Variants in CACNA1B observed in about 807,000 individuals in gnomAD.
CACNA1B encodes calcium voltage-gated channel subunit alpha1 B, also known as voltage-dependent N-type calcium channel subunit alpha-1B.
In CACNA1B, 70 loss-of-function variants were observed where a neutral mutation model predicts 247.2. The ratio of observed to expected loss-of-function variants is 0.28; its 90% confidence interval spans 0.23 to 0.35. The LOEUF is 0.35. CACNA1B is among the 10% of genes least tolerant of loss of function. CACNA1B has a pLI of 1.00. For synonymous variants in CACNA1B, 1,231 were observed against 1,294.4 expected, an observed-to-expected ratio of 0.95 and a Z score of 1.05; for missense variants, 2,367 against 3,197.4, an observed-to-expected ratio of 0.74 and a Z score of 6.26.
At chr9:138,110,977 T>TA (rs1237808825) in intron 39 of CACNA1B, among the ~76,000 whole-genome samples, 1 of 143,228 alleles carries the variant, frequency 7.0e-6, no homozygotes. Context: ...AATCCAGAAT[T>TA]TAAAAAAAAA....
chr9:138,039,177 T>C (rs570971916), intron 20 of CACNA1B, among the ~76,000 whole-genome samples: 1 of 150,700 alleles, frequency 6.6e-6, no homozygotes, highest in Admixed American at 6.6e-5. Context: ...GCCTGGGCGA[T>C]AGGGCAAGAC....
In CACNA1B at chr9:138,120,418, G is replaced by A. The variant is rs201945301; in HGVS notation, c.6238+46G>A. The A allele has an allele frequency of 1.5e-4, 226 of 1,503,716 alleles. 1 individual carries two copies. Among genetic ancestry groups the A allele is most frequent in the Admixed American group, 2.8e-4 (14 of 49,806 alleles). 93.1% of individuals were successfully genotyped at this position (1,503,716 alleles called of 1,614,324 possible). On this transcript the variant is annotated intron_variant, in intron 45 of 46. Transcript: ENST00000371372. ...GGAGTCCTTCGGGGAGCTATGGCCCGAGTCAGGGGGTCCAAGCGGCCCATG... is the reference window on the plus strand; with the variant it reads ...GGAGTCCTTCGGGGAGCTATGGCCCAAGTCAGGGGGTCCAAGCGGCCCATG...
Position 138,124,330 on chromosome 9 carries a change from G to A in CACNA1B, c.*2331G>A, listed in dbSNP as rs143387173. ...TATGTGCATGATAATGTATATCTTC[G>A]TACTTTTTGATACAATGTATTCATT... On this transcript the variant is annotated 3_prime_UTR_variant, in exon 47 of 47. Transcript: ENST00000371372. 1.1e-4 allele frequency: 16 copies of A among 151,226 alleles called. No homozygotes were observed. Among genetic ancestry groups the A allele is most frequent in the Non-Finnish European group, 1.9e-4 (13 of 67,900 alleles). 9.4% of individuals were successfully genotyped at this position (151,226 alleles called of 1,614,324 possible). A position where few individuals can be genotyped will look rare whatever the true frequency, so the allele number is the denominator to read the frequency against.
intron 12 of CACNA1B, among the ~76,000 whole-genome samples, chr9:137,983,074 A>C (rs1361240580): frequency 6.6e-6 from 1 of 152,204 alleles, no homozygotes; most frequent in Non-Finnish European, 1.5e-5. Flanking sequence ...TCGTTCTCTC[A>C]GTGACTTCGT....
chr9:137,996,352 G>A (rs1219130539), intron 15 of CACNA1B, among the ~76,000 whole-genome samples: 1 of 152,176 alleles, frequency 6.6e-6, no homozygotes, highest in Non-Finnish European at 1.5e-5. Flanking sequence ...TGAAATAATG[G>A]CATTTGCAAC....
intron 40 of CACNA1B, among the ~76,000 whole-genome samples, chr9:138,113,776 AGGAAGGTG>A (rs1961750368): frequency 7.9e-6 from 1 of 126,126 alleles, no homozygotes; most frequent in East Asian, 2.7e-4. Context: ...GAGGGAGCGC[AGGAAGGTG>A]CCCAACTCCA....
At position 137,954,855 on chromosome 9, in the gene CACNA1B, C is replaced by CG. The variant is rs1164388854; in HGVS notation, c.1071-843_1071-842insG. ...CACACCCACTCCACCAACTCAGAAGCTTGTGTGTGTGTGTGTGTGTGTGTG... is the reference window on the plus strand; with the variant it reads ...CACACCCACTCCACCAACTCAGAAGCGTTGTGTGTGTGTGTGTGTGTGTGTG... On this transcript the variant is annotated intron_variant, in intron 7 of 46. Transcript: ENST00000371372. This position sits in a 1 kb window ranked among gnomAD's most constrained non-coding sequence, Gnocchi z 4.1. 0.015 allele frequency among the ~76,000 whole-genome samples: 1,254 copies of CG among 84,650 alleles called. 6 individuals carry two copies. Among genetic ancestry groups the CG allele is most frequent in the African/African-American group, 0.026 (206 of 7,864 alleles). 55.5% of individuals were successfully genotyped at this position (84,650 alleles called of 152,430 possible). A position where few individuals can be genotyped will look rare whatever the true frequency, so the allele number is the denominator to read the frequency against.
intron 6 of CACNA1B, among the ~76,000 whole-genome samples, chr9:137,925,320 T>G (rs1957537085): frequency 6.6e-6 from 1 of 152,154 alleles, no homozygotes; most frequent in Non-Finnish European, 1.5e-5. Context: ...TGGGTCCCTT[T>G]AAATTTGTGG....
rs930683729 is a variant in CACNA1B at position 137,955,519 on chromosome 9, A to C, written c.1071-179A>C. 1.5e-4 allele frequency among the ~76,000 whole-genome samples: 23 copies of C among 152,236 alleles called. No homozygotes were observed. The highest frequency in any genetic ancestry group is 5.3e-4 in the African/African-American group (22 of 41,562). ...CCCAGGGAGCTGTCTGGTGCTCTGG[A>C]GTGCTCATCTGGAGTGCTCAGGTTA... On this transcript the variant is annotated intron_variant, in intron 7 of 46. Transcript: ENST00000371372. This position sits in a 1 kb window ranked among gnomAD's most constrained non-coding sequence, Gnocchi z 6.9.
At chr9:137,921,211 A>G (rs1045237892) in intron 6 of CACNA1B, among the ~76,000 whole-genome samples, 12 of 152,266 alleles carry the variant, frequency 7.9e-5, no homozygotes, top group African/African-American at 2.4e-4. Context: ...GAGCCACGAA[A>G]GAGATGGGGC....
At chr9:137,940,992 G>C (rs1301786373) in intron 6 of CACNA1B, among the ~76,000 whole-genome samples, 1 of 152,122 alleles carries the variant, frequency 6.6e-6, no homozygotes, top group Non-Finnish European at 1.5e-5. Flanking sequence ...CATTCCCTTT[G>C]AGAACTGGAA....
intron 31 of CACNA1B, among the ~76,000 whole-genome samples, chr9:138,067,100 T>G (rs960787607): frequency 6.6e-6 from 1 of 152,154 alleles, no homozygotes; most frequent in Non-Finnish European, 1.5e-5. Flanking sequence ...TGTGAATAGT[T>G]TATGCCAGTA....
At chr9:138,082,334 A>G (rs892401078) in intron 36 of CACNA1B, among the ~76,000 whole-genome samples, 2 of 151,520 alleles carry the variant, frequency 1.3e-5, no homozygotes, top group Non-Finnish European at 2.9e-5. Flanking sequence ...ATGATTCGCA[A>G]GTTGTGCAGC....
chr9:138,008,803 G>A (rs1054896917), intron 16 of CACNA1B, among the ~76,000 whole-genome samples: 4 of 152,226 alleles, frequency 2.6e-5, no homozygotes, highest in African/African-American at 7.2e-5. Context: ...CAGCTTCTGA[G>A]TCACTTTTGG....
intron 6 of CACNA1B, among the ~76,000 whole-genome samples, chr9:137,924,559 A>G (rs1384170819): frequency 6.6e-6 from 1 of 152,144 alleles, no homozygotes; most frequent in Non-Finnish European, 1.5e-5. Flanking sequence ...TGCTTATTGT[A>G]GTTACCTATA....
In CACNA1B at chr9:138,058,831, G is replaced by A. The variant is rs1959610952; in HGVS notation, c.4473+98G>A. 2 of 1,142,414 alleles carry A rather than the reference G, an allele frequency of 1.8e-6. No homozygotes were observed. Among genetic ancestry groups the A allele is most frequent in the African/African-American group, 3.1e-5 (2 of 63,950 alleles). The allele number at this position is 1,142,414 out of a possible 1,614,324, so 70.8% of individuals were successfully genotyped here. A position where few individuals can be genotyped will look rare whatever the true frequency, so the allele number is the denominator to read the frequency against. On this transcript the variant is annotated intron_variant, in intron 29 of 46. Transcript: ENST00000371372. This position sits in a 1 kb window ranked among gnomAD's most constrained non-coding sequence, Gnocchi z 4.7. ...GAGTCAGCCTTCTTCCTCCCTGCAT[G>A]AGCCAAAGCAGTAGTGGCCTTGCAT...
In CACNA1B at chr9:137,880,014, G is replaced by A. The variant is rs968676615; in HGVS notation, c.390+855G>A. On this transcript the variant is annotated intron_variant, in intron 2 of 46. Coordinates refer to ENST00000371372, the MANE Select transcript of CACNA1B (RefSeq NM_000718.4). The surrounding 1 kb of genome is among the most constrained non-coding windows in gnomAD (Gnocchi z 4.8). Reference sequence around the variant, plus strand: ...GGGCCCAGGGGGTGCGGGGCCAGAGGCGTCCAGGAGACGGCCTCTCTGGGG... The same window carrying A: ...GGGCCCAGGGGGTGCGGGGCCAGAGACGTCCAGGAGACGGCCTCTCTGGGG... 3.3e-5 allele frequency among the ~76,000 whole-genome samples: 5 copies of A among 152,244 alleles called. No individual in the cohort carries two copies. Among genetic ancestry groups the A allele is most frequent in the Non-Finnish European group, 5.9e-5 (4 of 68,040 alleles).
intron 42 of CACNA1B, among the ~76,000 whole-genome samples, chr9:138,117,129 C>T (rs2606357): frequency 0.39 from 59,844 of 152,186 alleles, 13,475 homozygotes; most frequent in Admixed American, 0.49. Context: ...ACACATTCCA[C>T]GCCAGTTGGG....
intron 20 of CACNA1B, among the ~76,000 whole-genome samples, chr9:138,027,966 T>G (rs920469893): frequency 6.7e-6 from 1 of 148,226 alleles, no homozygotes; most frequent in African/African-American, 2.5e-5. Flanking sequence ...ACTTCACAGC[T>G]CCATTCCTGA....
Sources: gnomAD v4.1 joint callset for allele counts (sites outside exome capture counted in the v4.1 genomes callset) on GRCh38, gnomAD v4.1.1 for gene constraint, Gnocchi (gnomAD v3.1) non-coding constraint, MANE v1.5 for transcripts, NCBI Gene and HGNC (gene_info 2026-07-23, HGNC 2026-07-21) for gene names.